Variants in GRM5 observed in about 807,000 individuals in gnomAD.
GRM5 encodes metabotropic glutamate receptor 5.
GRM5 carries 19 observed loss-of-function variants against 83.1 expected under a neutral mutation model. The observed-to-expected ratio is 0.23, with a 90% confidence interval of 0.16 to 0.34. The LOEUF is 0.34. Ranked by LOEUF, GRM5 falls within the 10% of genes least tolerant of loss-of-function variation. The pLI is 1.00. For missense variants in GRM5, 1,160 were observed against 1,588.3 expected (o/e 0.73, Z 4.58); for synonymous variants, 675 against 633.6 (o/e 1.07, Z -0.98).
At chr11:88,742,799 G>A (rs1942055865) in intron 3 of GRM5, among the ~76,000 whole-genome samples, 1 of 152,026 alleles carries the variant, frequency 6.6e-6, no homozygotes. Context: ...AGCCCATTTG[G>A]GAATATTGAT....
intron 2 of GRM5, among the ~76,000 whole-genome samples, chr11:89,009,671 C>A (rs1488493372): frequency 1.3e-5 from 2 of 151,200 alleles, no homozygotes; most frequent in East Asian, 1.9e-4. Context: ...CCGAGGCGGG[C>A]GGATCACGAG....
chr11:88,647,497 T>C (rs1435437463), intron 4 of GRM5, among the ~76,000 whole-genome samples: 6 of 151,852 alleles, frequency 4.0e-5, no homozygotes, highest in Admixed American at 3.3e-4. Context: ...GGCTCAAGAA[T>C]CAATTCACGA....
chr11:89,065,157 C>T (rs1942074429), intron 1 of GRM5, among the ~76,000 whole-genome samples: 1 of 151,678 alleles, frequency 6.6e-6, no homozygotes, highest in African/African-American at 2.4e-5. Context: ...CGGGTCCCTT[C>T]TTTGCTGCCT....
At chr11:88,652,704 T>C (rs1939663247) in intron 4 of GRM5, among the ~76,000 whole-genome samples, 1 of 152,050 alleles carries the variant, frequency 6.6e-6, no homozygotes, top group Non-Finnish European at 1.5e-5. Flanking sequence ...CCTGGTACTA[T>C]TTTATGGTTT....
chr11:88,510,088 T>C (rs1027587626), intron 9 of GRM5, among the ~76,000 whole-genome samples: 4 of 152,236 alleles, frequency 2.6e-5, no homozygotes, highest in African/African-American at 4.8e-5. Flanking sequence ...ATTTTGAACA[T>C]AGTGTTACTT....
At chr11:88,590,832 C>G (rs1287152133) in intron 6 of GRM5, 105 bp from the exon 7 acceptor site, 2 of 683,090 alleles carry the variant, frequency 2.9e-6, no homozygotes, top group Non-Finnish European at 5.0e-6. Flanking sequence ...CTTTCACATA[C>G]ATTATTTTAA....
rs535975516 is a variant in GRM5, at chr11:88,735,672, G to C, written c.912-82269C>G. On this transcript the variant is annotated intron_variant, in intron 3 of 9. Coordinates refer to ENST00000305447, the MANE Select transcript of GRM5 (RefSeq NM_001143831.3). ...ATGCCACACACTTGCATTGACATCT[G>C]TCTGTGTATTCTGTCTTCCCATTAA... is the stretch of plus-strand genomic sequence containing the variant. 2.4e-4 allele frequency among the ~76,000 whole-genome samples: 36 copies of C among 152,124 alleles called. No homozygotes were observed. The South Asian group carries it at 7.5e-3, about 32-fold the overall frequency.
intron 2 of GRM5, among the ~76,000 whole-genome samples, chr11:88,944,691 CTG>C (rs1283535357): frequency 6.6e-6 from 1 of 151,762 alleles, no homozygotes; most frequent in Non-Finnish European, 1.5e-5. Flanking sequence ...AAAACAAACA[CTG>C]AAATTCACCA....
chr11:88,841,418 T>C (rs753904134), intron 3 of GRM5, among the ~76,000 whole-genome samples: 2 of 152,220 alleles, frequency 1.3e-5, no homozygotes, highest in Non-Finnish European at 2.9e-5. Flanking sequence ...GAGTAAGTCA[T>C]CCTTTAATGA....
intron 2 of GRM5, among the ~76,000 whole-genome samples, chr11:88,918,540 G>A (rs1163759542): frequency 1.3e-5 from 2 of 151,856 alleles, no homozygotes; most frequent in African/African-American, 2.4e-5. Flanking sequence ...GGAGCAATAA[G>A]AAATCATTTG....
intron 9 of GRM5, among the ~76,000 whole-genome samples, chr11:88,512,631 C>T (rs1344993698): frequency 6.6e-6 from 1 of 152,098 alleles, no homozygotes; most frequent in East Asian, 1.9e-4. Flanking sequence ...AAATCCGGTT[C>T]TTATTCTGGA....
rs116110609 is a variant in GRM5, at chr11:88,524,002, G to T, written c.2726+1307C>A. The T allele has an allele frequency of 5.5e-4, 84 of 152,100 alleles. 1 individual carries two copies. Among genetic ancestry groups the T allele is most frequent in the African/African-American group, 2.0e-3 (83 of 41,498 alleles). The allele number at this position is 152,100 out of a possible 1,614,324, so 9.4% of individuals were successfully genotyped here. On this transcript the variant is annotated intron_variant, in intron 9 of 9. Coordinates refer to ENST00000305447, the MANE Select transcript of GRM5 (RefSeq NM_001143831.3). Reference sequence around the variant, plus strand: ...GAATTTTTCCTTTTCTCTAATCCAGGATGATTTGCAAAAGTTTTCCTTCCA... The same window carrying T: ...GAATTTTTCCTTTTCTCTAATCCAGTATGATTTGCAAAAGTTTTCCTTCCA...
intron 3 of GRM5, among the ~76,000 whole-genome samples, chr11:88,655,305 T>C (rs905296017): frequency 1.3e-5 from 2 of 152,022 alleles, no homozygotes; most frequent in Admixed American, 6.6e-5. Context: ...TTTTGGAGGG[T>C]TTATTATATC....
intron 3 of GRM5, among the ~76,000 whole-genome samples, chr11:88,654,246 A>G (rs1036393631): frequency 2.6e-5 from 4 of 152,282 alleles, no homozygotes; most frequent in African/African-American, 7.2e-5. Context: ...GTATAACAGA[A>G]TAAGAAAAAG....
chr11:88,521,143 A>C (rs1343517512), intron 9 of GRM5, among the ~76,000 whole-genome samples: 4 of 151,918 alleles, frequency 2.6e-5, no homozygotes, highest in African/African-American at 9.7e-5. Flanking sequence ...TCCAGCCAGG[A>C]GTGGTGGCTC....
At chr11:89,010,532 A>G (rs71469232) in intron 2 of GRM5, among the ~76,000 whole-genome samples, 2,942 of 152,218 alleles carry the variant, frequency 0.019, 42 homozygotes, top group Middle Eastern at 0.068. Context: ...AATTCATGCA[A>G]CTGTAAGGGA....
At chr11:88,907,436 AAGAG>A (rs1223198576) in intron 2 of GRM5, among the ~76,000 whole-genome samples, 1 of 152,190 alleles carries the variant, frequency 6.6e-6, no homozygotes, top group Admixed American at 6.5e-5. Context: ...GAATAAGACT[AAGAG>A]AGAGAGAATT....
intron 7 of GRM5, among the ~76,000 whole-genome samples, chr11:88,577,819 T>C (rs1246394889): frequency 6.6e-6 from 1 of 152,110 alleles, no homozygotes; most frequent in Non-Finnish European, 1.5e-5. Context: ...TAGTAATGTA[T>C]CAAGAGAATT....
chr11:88,579,533 A>G (rs1221310221), intron 7 of GRM5, among the ~76,000 whole-genome samples: 7 of 152,204 alleles, frequency 4.6e-5, no homozygotes, highest in Admixed American at 4.6e-4. Context: ...ACATTTGAGC[A>G]AGGACTTGAG....
Sources: gnomAD v4.1 joint callset for allele counts (sites outside exome capture counted in the v4.1 genomes callset) on GRCh38, gnomAD v4.1.1 for gene constraint, MANE v1.5 for transcripts, NCBI Gene and HGNC (gene_info 2026-07-23, HGNC 2026-07-21) for gene names.